Variants in ZNF704 observed in about 807,000 individuals in gnomAD.
The protein encoded by ZNF704 is glucocorticoid induced gene 1.
ZNF704 carries 10 observed loss-of-function variants against 44.7 expected under a neutral mutation model. The observed-to-expected ratio is 0.22, with a 90% confidence interval of 0.14 to 0.38. The LOEUF is 0.38. Among genes scored for constraint, ZNF704 ranks in the 10% least tolerant of loss-of-function variants. The pLI, the probability that ZNF704 is intolerant of heterozygous loss-of-function variation, is 1.00. For synonymous variants in ZNF704, 211 were observed against 207.6 expected (o/e 1.02, Z -0.14); for missense variants, 390 against 545.5 (o/e 0.71, Z 2.84).
At chr8:80,665,234 T>C in intron 5 of ZNF704, 152 bp from the exon 6 acceptor site, 1 of 778,244 alleles carries the variant, frequency 1.3e-6, no homozygotes, top group Non-Finnish European at 2.0e-6. Context: ...TCAGTTCAAC[T>C]GTCCACTTCC....
chr8:80,727,818 G>A (rs944915328), intron 2 of ZNF704, among the ~76,000 whole-genome samples: 1 of 152,176 alleles, frequency 6.6e-6, no homozygotes, highest in Non-Finnish European at 1.5e-5. Context: ...GGTATTTCTA[G>A]CTGTTCCTGA....
intron 1 of ZNF704, among the ~76,000 whole-genome samples, chr8:80,838,268 T>C (rs1040490892): frequency 6.6e-6 from 1 of 152,306 alleles, no homozygotes; most frequent in Non-Finnish European, 1.5e-5. Context: ...AAACCACACA[T>C]TTCAAAAACG....
intron 2 of ZNF704, among the ~76,000 whole-genome samples, chr8:80,716,094 AG>A (rs1198592535): frequency 1.3e-5 from 2 of 151,328 alleles, no homozygotes; most frequent in Non-Finnish European, 2.9e-5. Flanking sequence ...AAAAAAAAAA[AG>A]AATTATTGAG....
chr8:80,654,797 T>A (rs997425960), intron 7 of ZNF704, among the ~76,000 whole-genome samples: 3 of 152,152 alleles, frequency 2.0e-5, no homozygotes, highest in African/African-American at 7.2e-5. Context: ...TCCTCAGGGA[T>A]CTAGAACTAG....
rs1471062819 is a variant in ZNF704, at chr8:80,639,937, G to C, written c.*1429C>G. The C allele has an allele frequency of 6.6e-6, 1 of 152,566 alleles. No individual in the cohort carries two copies. Among genetic ancestry groups the C allele is most frequent in the Non-Finnish European group, 1.5e-5 (1 of 68,050 alleles). The allele number at this position is 152,566 out of a possible 1,614,324, so 9.5% of individuals were successfully genotyped here. A position where few individuals can be genotyped will look rare whatever the true frequency, so the allele number is the denominator to read the frequency against. On this transcript the variant is annotated 3_prime_UTR_variant, in exon 9 of 9. Transcript: ENST00000327835. The stretch of plus-strand genomic sequence containing the variant: ...TAACTCTTTAGCAGGGCAATTGAGA[G>C]TCGGGTAGATAGAGAATGAGCTTAT...
At chr8:80,649,326 TG>T (rs1168652438) in intron 7 of ZNF704, among the ~76,000 whole-genome samples, 5 of 152,106 alleles carry the variant, frequency 3.3e-5, no homozygotes, top group African/African-American at 1.2e-4. Flanking sequence ...TGCACGACAG[TG>T]GGTGCAGCAC....
chr8:80,735,010 C>A (rs1264482346), intron 2 of ZNF704, among the ~76,000 whole-genome samples: 1 of 152,190 alleles, frequency 6.6e-6, no homozygotes, highest in Non-Finnish European at 1.5e-5. Flanking sequence ...TACACATCCC[C>A]CCAATTTCAA....
At chr8:80,721,259 TGTG>T (rs1207775288) in intron 2 of ZNF704, among the ~76,000 whole-genome samples, 2 of 152,202 alleles carry the variant, frequency 1.3e-5, no homozygotes, top group Non-Finnish European at 2.9e-5. Context: ...TTTGGAATGA[TGTG>T]GTAACTTTAA....
intron 2 of ZNF704, among the ~76,000 whole-genome samples, chr8:80,720,072 G>A (rs1240817160): frequency 6.6e-6 from 1 of 152,212 alleles, no homozygotes; most frequent in Non-Finnish European, 1.5e-5. Context: ...TTAAATTCGA[G>A]TCTGTCTGCC....
rs185469400 is a variant in ZNF704 at position 80,873,303 on chromosome 8, G to A, written c.-22+1268C>T. 9.0e-4 allele frequency among the ~76,000 whole-genome samples: 137 copies of A among 152,274 alleles called. 1 individual carries two copies. The highest frequency in any genetic ancestry group is 2.8e-3 in the African/African-American group (117 of 41,574). ...CCACACCAAACAACAAACCCGACAC[G>A]GCCTTTGAGGAAAGCGGGAGCCGCC... On this transcript the variant is annotated intron_variant, in intron 1 of 8. Coordinates refer to ENST00000327835, the MANE Select transcript of ZNF704 (RefSeq NM_001033723.3).
intron 8 of ZNF704, among the ~76,000 whole-genome samples, chr8:80,642,375 C>T (rs1817757072): frequency 6.6e-6 from 1 of 152,086 alleles, no homozygotes; most frequent in Admixed American, 6.6e-5. Flanking sequence ...CACTTTGGGT[C>T]CATTATTAAG....
chr8:80,671,339 G>C (rs1364152607), intron 4 of ZNF704, among the ~76,000 whole-genome samples: 3 of 152,112 alleles, frequency 2.0e-5, no homozygotes, highest in African/African-American at 7.2e-5. Context: ...ATGTTGCCCA[G>C]GCTGCGGCAA....
intron 2 of ZNF704, among the ~76,000 whole-genome samples, chr8:80,813,674 G>A (rs889800153): frequency 2.6e-5 from 4 of 152,024 alleles, no homozygotes; most frequent in African/African-American, 9.7e-5. Flanking sequence ...TCAGGAGATC[G>A]AGACCATGCT....
rs189706469 is a variant in ZNF704 at position 80,801,937 on chromosome 8, T to C, written c.221+19437A>G. Among the ~76,000 whole-genome samples, 569 of 151,950 alleles carry C rather than the reference T, an allele frequency of 3.7e-3. 9 individuals carry two copies. The highest frequency in any genetic ancestry group is 0.031 in the Admixed American group (475 of 15,240). ...TGGATAGATGGCCAGGCCAGACTAA[T>C]AAAGAAGAAAATAGAGACAAATCAA... On this transcript the variant is annotated intron_variant, in intron 2 of 8. Transcript: ENST00000327835.
intron 1 of ZNF704, among the ~76,000 whole-genome samples, chr8:80,841,119 C>CT (rs1808670763): frequency 6.6e-6 from 1 of 152,228 alleles, no homozygotes; most frequent in Non-Finnish European, 1.5e-5. Context: ...AAAGCTAGAA[C>CT]TTCCACCACA....
chr8:80,691,013 T>TA (rs879420810), intron 3 of ZNF704, among the ~76,000 whole-genome samples: 261 of 134,008 alleles, frequency 1.9e-3, no homozygotes, highest in Middle Eastern at 3.8e-3. Flanking sequence ...CATCTCAAAT[T>TA]AAAAAAAAAA....
chr8:80,831,747 C>A (rs1035347568), intron 1 of ZNF704, among the ~76,000 whole-genome samples: 5 of 152,160 alleles, frequency 3.3e-5, no homozygotes, highest in Non-Finnish European at 5.9e-5. Context: ...GGGCTTCTCA[C>A]AGCTATAGGA....
chr8:80,821,690 G>A (rs886422263), intron 1 of ZNF704, 75 bp from the exon 2 acceptor site: 2 of 1,100,300 alleles, frequency 1.8e-6, no homozygotes, highest in East Asian at 2.4e-5. Context: ...TGGCGGTGAG[G>A]AGAGATTACA....
In ZNF704 at chr8:80,633,709, T is replaced by TA. The variant is rs1664854577; in HGVS notation, c.*7656dup. 6.6e-6 allele frequency: 1 copy of TA among 152,216 alleles called. No individual in the cohort carries two copies. Among genetic ancestry groups the TA allele is most frequent in the Non-Finnish European group, 1.5e-5 (1 of 68,048 alleles). 9.4% of individuals were successfully genotyped at this position (152,216 alleles called of 1,614,324 possible). A position where few individuals can be genotyped will look rare whatever the true frequency, so the allele number is the denominator to read the frequency against. ...ATATTCCTATTCTACACTGGGTTCT[T>TA]ACAAAGATCAAATGAAATAGTGTGT... On this transcript the variant is annotated 3_prime_UTR_variant, in exon 9 of 9. Transcript: ENST00000327835.
Sources: gnomAD v4.1 joint callset for allele counts (sites outside exome capture counted in the v4.1 genomes callset) on GRCh38, gnomAD v4.1.1 for gene constraint, MANE v1.5 for transcripts, NCBI Gene and HGNC (gene_info 2026-07-23, HGNC 2026-07-21) for gene names.